The following TNC variants were observed in gnomAD, a reference collection of about 807,000 sequenced individuals.
The protein encoded by TNC is tenascin C, also known as tenascin.
TNC carries 109 observed loss-of-function variants against 202.4 expected under a neutral mutation model. That is an observed-to-expected ratio of 0.54 (90% CI 0.46 to 0.63). The LOEUF (loss-of-function observed/expected upper bound fraction) is 0.63. Among genes scored for constraint, TNC ranks in the 30% least tolerant of loss-of-function variants. The probability of loss-of-function intolerance (pLI) is 0.00; values close to 1 mark genes in which losing one functional copy is unlikely to be tolerated. For synonymous variants in TNC, 1,007 were observed against 1,089.7 expected, an observed-to-expected ratio of 0.92 and a Z score of 1.50; for missense variants, 2,756 against 2,833.3, an observed-to-expected ratio of 0.97 and a Z score of 0.62.
At chr9:115,064,272 TA>T (rs917842715) in intron 11 of TNC, among the ~76,000 whole-genome samples, 3 of 152,370 alleles carry the variant, frequency 2.0e-5, no homozygotes, top group Admixed American at 2.0e-4. Context: ...GTTTGTTTTT[TA>T]AATCTTAAAG....
chr9:115,050,488 G>T (rs1831565680), intron 15 of TNC, among the ~76,000 whole-genome samples: 1 of 152,068 alleles, frequency 6.6e-6, no homozygotes, highest in African/African-American at 2.4e-5. Flanking sequence ...AGTCCCTTAA[G>T]AAATTACCAT....
chr9:115,038,109 T>C (rs1198074204), intron 20 of TNC, 152 bp downstream of exon 20: 2 of 965,738 alleles, frequency 2.1e-6, no homozygotes, highest in Non-Finnish European at 1.5e-6. Context: ...GAGGTTTCAG[T>C]TGGGAGCCAC....
chr9:115,046,182 A>G (rs372018658), intron 17 of TNC, among the ~76,000 whole-genome samples: 2 of 152,186 alleles, frequency 1.3e-5, no homozygotes, highest in South Asian at 2.1e-4. Flanking sequence ...TGGGCTTTAT[A>G]TGAATTATCT....
chr9:115,031,207 C>A (rs984630864), intron 23 of TNC, among the ~76,000 whole-genome samples: 1 of 152,232 alleles, frequency 6.6e-6, no homozygotes, highest in African/African-American at 2.4e-5. Flanking sequence ...AGTTCAAATG[C>A]AATACCTCAT....
intron 16 of TNC, among the ~76,000 whole-genome samples, chr9:115,047,081 GA>G (rs1190471123): frequency 1.3e-5 from 2 of 151,792 alleles, no homozygotes; most frequent in Non-Finnish European, 2.9e-5. Context: ...TTTTCTTTTT[GA>G]AAAGACAAAT....
At chr9:115,029,623 G>A (rs868641927) in intron 24 of TNC, among the ~76,000 whole-genome samples, 167 bp from the exon 25 acceptor site, 1 of 152,096 alleles carries the variant, frequency 6.6e-6, no homozygotes, top group South Asian at 2.1e-4. Context: ...CTTAAGTCTT[G>A]GTGTTCTCAC....
chr9:115,056,670 T>C (rs1832150000), intron 15 of TNC, among the ~76,000 whole-genome samples: 1 of 152,172 alleles, frequency 6.6e-6, no homozygotes, highest in Non-Finnish European at 1.5e-5. Context: ...CCCTTTACTT[T>C]CCCAGTTGGA....
intron 1 of TNC, among the ~76,000 whole-genome samples, chr9:115,100,787 G>A (rs1209932165): frequency 6.6e-6 from 1 of 152,126 alleles, no homozygotes; most frequent in Non-Finnish European, 1.5e-5. Context: ...TAATTAGCTT[G>A]AATCTAGTAA....
chr9:115,106,566 C>G (rs969609182), intron 1 of TNC, among the ~76,000 whole-genome samples: 6 of 152,112 alleles, frequency 3.9e-5, no homozygotes, highest in African/African-American at 1.4e-4. Flanking sequence ...GCCAGGTGGA[C>G]TATAATATCT....
chr9:115,099,183 T>C (rs1334899046), intron 1 of TNC, among the ~76,000 whole-genome samples: 1 of 152,054 alleles, frequency 6.6e-6, no homozygotes, highest in Non-Finnish European at 1.5e-5. Flanking sequence ...GAGAATTAAT[T>C]TCTAAATGGT....
rs557187040 is a variant in TNC at position 115,081,022 on chromosome 9, A to G, written c.2404+750T>C. On this transcript the variant is annotated intron_variant, in intron 6 of 27. Transcript: ENST00000350763. ...CTTCTGACATCATTAGTATTGAATG[A>G]AATTTTATTTAGGTTCCCATTGAAG... Among the ~76,000 whole-genome samples the G allele has an allele frequency of 4.6e-5, 7 of 152,304 alleles. No individual in the cohort carries two copies. The South Asian group carries it at 1.2e-3, about 27-fold the overall frequency.
chr9:115,109,658 G>A (rs138632422), intron 1 of TNC, among the ~76,000 whole-genome samples: 5 of 152,286 alleles, frequency 3.3e-5, no homozygotes, highest in Non-Finnish European at 7.4e-5. Context: ...CTCTGTCCTT[G>A]GTACTGGTTT....
chr9:115,041,306 GGGC>G (rs1475834823), intron 18 of TNC, among the ~76,000 whole-genome samples: 2 of 126,006 alleles, frequency 1.6e-5, no homozygotes, highest in Middle Eastern at 4.6e-3. Flanking sequence ...AAGCCAGGAG[GGGC>G]GGGGGAAAAC....
intron 20 of TNC, among the ~76,000 whole-genome samples, chr9:115,037,826 T>C (rs2009023): frequency 0.78 from 118,823 of 152,260 alleles, 47,235 homozygotes; most frequent in African/African-American, 0.92. Flanking sequence ...TGTACCTGGC[T>C]TAAAATTTCA....
Position 115,054,776 on chromosome 9 carries a change from A to C in TNC, c.4579+2377T>G, listed in dbSNP as rs78498085. The stretch of plus-strand genomic sequence containing the variant: ...GCTTCCAGGAAAAAGAAACATTTTC[A>C]AAATTTAATGCTCTGAATATTCACC... On this transcript the variant is annotated intron_variant, in intron 15 of 27. Coordinates refer to ENST00000350763, the MANE Select transcript of TNC (RefSeq NM_002160.4). Among the ~76,000 whole-genome samples the C allele has an allele frequency of 9.5e-3, 1,454 of 152,356 alleles. 33 individuals are homozygous for C. Among genetic ancestry groups the C allele is most frequent in the African/African-American group, 0.032 (1,343 of 41,570 alleles).
chr9:115,021,286 A>G lies in TNC; in HGVS notation c.6496-19T>C. The G allele has an allele frequency of 6.7e-7, 1 of 1,493,354 alleles. No individual in the cohort carries two copies. The highest frequency in any genetic ancestry group is 9.2e-7 in the Non-Finnish European group (1 of 1,090,428). 92.5% of individuals were successfully genotyped at this position (1,493,354 alleles called of 1,614,324 possible). A position where few individuals can be genotyped will look rare whatever the true frequency, so the allele number is the denominator to read the frequency against. ...TAACGCCCTGTTAAAAAAAAAAAAG[A>G]GAGAGAGAGAGAGAGAGAGAAGGCC... On this transcript the variant is annotated intron_variant, in intron 27 of 27. Transcript: ENST00000350763.
intron 15 of TNC, among the ~76,000 whole-genome samples, chr9:115,048,862 A>G (rs543458267): frequency 6.6e-6 from 1 of 152,076 alleles, no homozygotes; most frequent in South Asian, 2.1e-4. Flanking sequence ...AAGGCCATGT[A>G]GTTCTTTATA....
At position 115,052,079 on chromosome 9, in the gene TNC, C is replaced by CAT. The variant is rs3035495; in HGVS notation, c.4580-3549_4580-3548dup. 6.0e-3 allele frequency among the ~76,000 whole-genome samples: 875 copies of CAT among 146,832 alleles called. 6 individuals are homozygous for CAT. The highest frequency in any genetic ancestry group is 0.021 in the Middle Eastern group (6 of 280). On this transcript the variant is annotated intron_variant, in intron 15 of 27. Coordinates refer to ENST00000350763, the MANE Select transcript of TNC (RefSeq NM_002160.4). ...TACATTCCATATGTGTGTATATATA[C>CAT]ATATATATATATATACACATATATA... is the stretch of plus-strand genomic sequence containing the variant.
intron 1 of TNC, among the ~76,000 whole-genome samples, chr9:115,095,684 A>G (rs960175865): frequency 1.5e-4 from 12 of 78,682 alleles, no homozygotes; most frequent in African/African-American, 4.6e-4. Flanking sequence ...ATATATATGT[A>G]TATATATATG....
Sources: allele counts gnomAD v4.1 joint callset (sites outside exome capture counted in the v4.1 genomes callset), GRCh38; gene constraint gnomAD v4.1.1; transcripts MANE v1.5; gene names NCBI Gene and HGNC (gene_info 2026-07-23, HGNC 2026-07-21).